RYR2: variants seen among roughly 807,000 people sequenced by gnomAD.
RYR2 encodes the protein ryanodine receptor 2, also known as cardiac muscle ryanodine receptor-calcium release channel.
In RYR2, 227 loss-of-function variants were observed where a neutral mutation model predicts 601.1. The observed-to-expected ratio is 0.38, with a 90% CI of 0.34 to 0.42. The LOEUF is 0.42. Among genes scored for constraint, RYR2 ranks in the 10% least tolerant of loss-of-function variants. The pLI is 1.00. For synonymous variants in RYR2, 2,223 were observed against 2,175.1 expected (o/e 1.02, Z -0.61); for missense variants, 4,646 against 6,156.5 (o/e 0.75, Z 8.21).
At chr1:237,244,471 T>C (rs956739975) in intron 1 of RYR2, among the ~76,000 whole-genome samples, 5 of 152,032 alleles carry the variant, frequency 3.3e-5, no homozygotes, top group Non-Finnish European at 7.4e-5. Context: ...GAAGATGGTG[T>C]CCTTAGAGTG....
intron 20 of RYR2, among the ~76,000 whole-genome samples, chr1:237,497,456 CTTGATTATGTA>C (rs985500038): frequency 8.5e-5 from 13 of 152,130 alleles, no homozygotes; most frequent in Non-Finnish European, 1.5e-4. Context: ...AAGCTTAGCT[CTTGATTATGTA>C]GATTTTTTAG....
chr1:237,084,401 G>T (rs562835187), intron 1 of RYR2, among the ~76,000 whole-genome samples: 9 of 152,148 alleles, frequency 5.9e-5, no homozygotes, highest in Non-Finnish European at 1.3e-4. Context: ...CGAGCTGAGG[G>T]TATTATGGAA....
intron 3 of RYR2, among the ~76,000 whole-genome samples, chr1:237,355,234 T>C (rs1330136995): frequency 6.6e-6 from 1 of 152,138 alleles, no homozygotes; most frequent in African/African-American, 2.4e-5. Flanking sequence ...ACCTTTGAGA[T>C]TGAGTATGTC....
intron 1 of RYR2, among the ~76,000 whole-genome samples, chr1:237,164,533 A>G (rs1389908909): frequency 6.6e-6 from 1 of 152,116 alleles, no homozygotes; most frequent in Admixed American, 6.6e-5. Context: ...ACAAATAAAT[A>G]AAAGAAGAGG....
intron 12 of RYR2, among the ~76,000 whole-genome samples, chr1:237,436,456 T>A (rs371952601): frequency 6.5e-5 from 5 of 76,614 alleles, no homozygotes; most frequent in African/African-American, 2.2e-4. Context: ...TGATTTTCCT[T>A]TTTTTTTTTT....
intron 10 of RYR2, among the ~76,000 whole-genome samples, chr1:237,394,902 T>A (rs1364001565): frequency 6.6e-6 from 1 of 152,064 alleles, no homozygotes; most frequent in Admixed American, 6.6e-5. Context: ...AAACTTACAA[T>A]CATGGCAGAA....
At chr1:237,212,713 A>G (rs920860937) in intron 1 of RYR2, among the ~76,000 whole-genome samples, 1 of 152,208 alleles carries the variant, frequency 6.6e-6, no homozygotes, top group Non-Finnish European at 1.5e-5. Context: ...TAATGTACTA[A>G]TATGCATTCC....
At chr1:237,168,425 G>T (rs1355650444) in intron 1 of RYR2, among the ~76,000 whole-genome samples, 1 of 152,062 alleles carries the variant, frequency 6.6e-6, no homozygotes, top group Non-Finnish European at 1.5e-5. Flanking sequence ...AACTTTGATT[G>T]ATGGTTTCTA....
chr1:237,651,760 G>A (rs372090201), intron 51 of RYR2, among the ~76,000 whole-genome samples: 33 of 151,674 alleles, frequency 2.2e-4, no homozygotes, highest in African/African-American at 6.5e-4. Context: ...ACCACAGGCC[G>A]GGCGCGGTGG....
At chr1:237,128,113 G>A (rs1283929239) in intron 1 of RYR2, among the ~76,000 whole-genome samples, 18 of 152,174 alleles carry the variant, frequency 1.2e-4, no homozygotes, top group African/African-American at 4.1e-4. Flanking sequence ...CTGAGTGAAC[G>A]AGACTCCGTC....
At chr1:237,760,159 A>C (rs1398543271) in intron 83 of RYR2, among the ~76,000 whole-genome samples, 1 of 151,452 alleles carries the variant, frequency 6.6e-6, no homozygotes, top group Non-Finnish European at 1.5e-5. Flanking sequence ...AGCCTGGGTA[A>C]CAGGGCAAGA....
At chr1:237,391,384 T>TA (rs1185921094) in intron 10 of RYR2, among the ~76,000 whole-genome samples, 1 of 152,118 alleles carries the variant, frequency 6.6e-6, no homozygotes, top group Non-Finnish European at 1.5e-5. Flanking sequence ...GGGAAATATG[T>TA]AAAAAAAATT....
At chr1:237,162,752 G>A (rs1230023241) in intron 1 of RYR2, among the ~76,000 whole-genome samples, 1 of 152,100 alleles carries the variant, frequency 6.6e-6, no homozygotes, top group East Asian at 1.9e-4. Context: ...AAGTGGAAGT[G>A]TACTTAGCCT....
intron 1 of RYR2, among the ~76,000 whole-genome samples, chr1:237,238,876 C>T (rs911873311): frequency 5.3e-5 from 8 of 152,156 alleles, no homozygotes; most frequent in East Asian, 1.9e-4. Flanking sequence ...GGAAAAATGA[C>T]GATAAAAGGT....
intron 27 of RYR2, among the ~76,000 whole-genome samples, chr1:237,553,387 A>T (rs989858891): frequency 2.6e-5 from 4 of 152,006 alleles, no homozygotes; most frequent in African/African-American, 9.6e-5. Context: ...CACATAAGTC[A>T]GTCTATTTCT....
chr1:237,481,829 A>C (rs956751335), intron 17 of RYR2, among the ~76,000 whole-genome samples: 6 of 149,848 alleles, frequency 4.0e-5, no homozygotes, highest in East Asian at 3.9e-4. Flanking sequence ...AAAAAAAAAA[A>C]AAAAAACCAC....
chr1:237,061,720 T>C (rs1372565837), intron 1 of RYR2, among the ~76,000 whole-genome samples: 3 of 152,214 alleles, frequency 2.0e-5, no homozygotes, highest in African/African-American at 7.2e-5. Flanking sequence ...CCCCCCTCTG[T>C]TACTGATGTT....
At chr1:237,427,290 A>C (rs1572272989) in intron 12 of RYR2, among the ~76,000 whole-genome samples, 1 of 152,198 alleles carries the variant, frequency 6.6e-6, no homozygotes, top group Non-Finnish European at 1.5e-5. Context: ...GAAAACAGAA[A>C]ACCTAAAATA....
intron 1 of RYR2, among the ~76,000 whole-genome samples, chr1:237,238,263 G>A (rs1191487668): frequency 6.6e-6 from 1 of 152,056 alleles, no homozygotes; most frequent in Non-Finnish European, 1.5e-5. Context: ...GAGCCACTGT[G>A]CCCAGCCCTT....
Sources: gnomAD v4.1 joint callset for allele counts (sites outside exome capture counted in the v4.1 genomes callset) on GRCh38, gnomAD v4.1.1 for gene constraint, MANE v1.5 for transcripts, NCBI Gene and HGNC (gene_info 2026-07-23, HGNC 2026-07-21) for gene names.